TMEM266: variants seen among roughly 807,000 people sequenced by gnomAD.
TMEM266 encodes the protein transmembrane protein 266, also known as Hv1 related protein 1.
A neutral mutation model predicts 50.5 loss-of-function variants in TMEM266; 33 were observed. The ratio of observed to expected loss-of-function variants is 0.65; its 90% CI spans 0.50 to 0.87. The LOEUF is 0.87. TMEM266 is among the 40% of genes least tolerant of loss of function. The pLI, the probability that TMEM266 is intolerant of heterozygous loss-of-function variation, is 0.00. For missense variants in TMEM266, 655 were observed against 695.1 expected (o/e 0.94, Z 0.65); for synonymous variants, 310 against 292.3 (o/e 1.06, Z -0.62).
At chr15:76,097,764 C>A (rs997385912) in intron 1 of TMEM266, among the ~76,000 whole-genome samples, 6 of 152,094 alleles carry the variant, frequency 3.9e-5, no homozygotes, top group Admixed American at 6.5e-5. Flanking sequence ...TTGGTCTTTT[C>A]ACATAGTCCC....
rs574151544 is a variant in TMEM266 at position 76,072,771 on chromosome 15, G to A, written c.-97+12755G>A. ...TCCTGCCTCAGCCTCCTGGGTAGCT[G>A]GGATTACATGTGCACACCACCATGC... is the stretch of plus-strand genomic sequence containing the variant. On this transcript the variant is annotated intron_variant, in intron 1 of 10. Coordinates refer to ENST00000388942, the MANE Select transcript of TMEM266 (RefSeq NM_152335.3). Among the ~76,000 whole-genome samples the A allele has an allele frequency of 4.6e-5, 7 of 151,848 alleles. No homozygotes were observed. The East Asian group carries it at 1.4e-3, about 30-fold the overall frequency.
At chr15:76,080,912 A>AT (rs1274909497) in intron 1 of TMEM266, among the ~76,000 whole-genome samples, 121 of 142,086 alleles carry the variant, frequency 8.5e-4, no homozygotes, top group African/African-American at 1.4e-3. Context: ...TGCCCAGCTA[A>AT]TTTTTTTTTT....
chr15:76,097,672 A>C (rs192103969), intron 1 of TMEM266, among the ~76,000 whole-genome samples: 2 of 149,852 alleles, frequency 1.3e-5, no homozygotes, highest in Admixed American at 1.3e-4. Context: ...GTTCTCCCCA[A>C]CCTAGATAAT....
At chr15:76,136,343 C>T (rs1022053134) in intron 2 of TMEM266, among the ~76,000 whole-genome samples, 3 of 152,198 alleles carry the variant, frequency 2.0e-5, no homozygotes, top group Non-Finnish European at 2.9e-5. Context: ...GGAGCTCCTC[C>T]GATCTTCTCC....
At chr15:76,107,348 G>T (rs769176193) in intron 1 of TMEM266, among the ~76,000 whole-genome samples, 1 of 152,176 alleles carries the variant, frequency 6.6e-6, no homozygotes, top group East Asian at 1.9e-4. Context: ...GGCGTGGCTC[G>T]TTGCCCTCAT....
At chr15:76,195,212 A>G (rs928563423) in intron 9 of TMEM266, among the ~76,000 whole-genome samples, 1 of 152,016 alleles carries the variant, frequency 6.6e-6, no homozygotes, top group Non-Finnish European at 1.5e-5. Context: ...ATCCTGCCCC[A>G]CTGCCAGGAG....
At chr15:76,067,704 A>G (rs2036457453) in intron 1 of TMEM266, among the ~76,000 whole-genome samples, 1 of 145,774 alleles carries the variant, frequency 6.9e-6, no homozygotes, top group South Asian at 2.1e-4. Flanking sequence ...TTTTTTTGGC[A>G]TTGTATTTAA....
chr15:76,143,131 GCT>G (rs2037706315), intron 3 of TMEM266, among the ~76,000 whole-genome samples: 2 of 152,230 alleles, frequency 1.3e-5, no homozygotes, highest in Admixed American at 1.3e-4. Context: ...CATTCCTTGA[GCT>G]CTGATTGCCT....
At chr15:76,127,193 C>G (rs2037436586) in intron 1 of TMEM266, among the ~76,000 whole-genome samples, 1 of 151,994 alleles carries the variant, frequency 6.6e-6, no homozygotes, top group Non-Finnish European at 1.5e-5. Flanking sequence ...ACAATGTATA[C>G]ATATATCAAA....
intron 9 of TMEM266, among the ~76,000 whole-genome samples, chr15:76,196,812 A>C (rs913030949): frequency 1.3e-5 from 2 of 152,214 alleles, no homozygotes; most frequent in African/African-American, 4.8e-5. Flanking sequence ...GACAACGCCA[A>C]GCAGCTTCTG....
At chr15:76,146,744 C>G (rs991430844) in intron 3 of TMEM266, among the ~76,000 whole-genome samples, 1 of 152,248 alleles carries the variant, frequency 6.6e-6, no homozygotes, top group African/African-American at 2.4e-5. Context: ...ATACCCTTCT[C>G]TCTTCCTGTA....
chr15:76,063,666 C>T (rs1044336708), intron 1 of TMEM266, among the ~76,000 whole-genome samples: 1 of 152,172 alleles, frequency 6.6e-6, no homozygotes, highest in South Asian at 2.1e-4. Flanking sequence ...GTGTATTGCC[C>T]ATCTCCCCCA....
chr15:76,144,259 C>T, intron 3 of TMEM266, among the ~76,000 whole-genome samples: 1 of 152,056 alleles, frequency 6.6e-6, no homozygotes, highest in East Asian at 1.9e-4. Flanking sequence ...TTAACAAGCA[C>T]CTACGTCTCT....
chr15:76,194,316 TTCTTCA>T (rs914913631), intron 9 of TMEM266, among the ~76,000 whole-genome samples: 5 of 152,230 alleles, frequency 3.3e-5, no homozygotes, highest in African/African-American at 1.2e-4. Context: ...AACAGCCCCC[TTCTTCA>T]TCTTCATCGT....
chr15:76,124,805 C>T (rs773941317), intron 1 of TMEM266, among the ~76,000 whole-genome samples: 1 of 151,418 alleles, frequency 6.6e-6, no homozygotes, highest in Non-Finnish European at 1.5e-5. Flanking sequence ...TCTAAACAAA[C>T]AAAAATTCCA....
intron 3 of TMEM266, among the ~76,000 whole-genome samples, chr15:76,145,650 G>C (rs1020499698): frequency 2.6e-5 from 4 of 152,238 alleles, no homozygotes; most frequent in Non-Finnish European, 5.9e-5. Context: ...ATTAGAGAGA[G>C]GATCATCCAC....
chr15:76,164,050 C>G (rs950449852), intron 5 of TMEM266, among the ~76,000 whole-genome samples: 4 of 152,196 alleles, frequency 2.6e-5, no homozygotes, highest in Admixed American at 2.6e-4. Flanking sequence ...CCCCCTGCCC[C>G]CTATACGGCC....
At chr15:76,159,669 G>C (rs906932955) in intron 4 of TMEM266, among the ~76,000 whole-genome samples, 1 of 152,172 alleles carries the variant, frequency 6.6e-6, no homozygotes, top group African/African-American at 2.4e-5. Context: ...CAGCACTTTG[G>C]GGGTGAGCTG....
rs116390164 is a variant in TMEM266, at chr15:76,152,754, G to A, written c.228-3850G>A. On this transcript the variant is annotated intron_variant, in intron 3 of 10. Transcript: ENST00000388942. ...TAAAATGTCAACTCATCCTTTACCCGTCCTAATCCCTCCACCAGCTCTGCG... is the reference window on the plus strand; with the variant it reads ...TAAAATGTCAACTCATCCTTTACCCATCCTAATCCCTCCACCAGCTCTGCG... 7.9e-4 allele frequency among the ~76,000 whole-genome samples: 120 copies of A among 152,094 alleles called. 1 individual carries two copies. The highest frequency in any genetic ancestry group is 2.8e-3 in the African/African-American group (116 of 41,482).
Sources: allele counts gnomAD v4.1 joint callset (sites outside exome capture counted in the v4.1 genomes callset), GRCh38; gene constraint gnomAD v4.1.1; transcripts MANE v1.5; gene names NCBI Gene and HGNC (gene_info 2026-07-23, HGNC 2026-07-21).